The following SYNE1 variants were observed in gnomAD, a reference collection of about 807,000 sequenced individuals.
SYNE1 encodes spectrin repeat containing nuclear envelope protein 1, also known as nesprin-1.
A neutral mutation model predicts 1,111.0 loss-of-function variants in SYNE1; 616 were observed. The ratio of observed to expected loss-of-function variants is 0.55; its 90% CI spans 0.52 to 0.59. The LOEUF is 0.59. Among genes scored for constraint, SYNE1 ranks in the 20% least tolerant of loss-of-function variants. The pLI is 0.00. For missense variants in SYNE1, 10,006 were observed against 10,417.0 expected (o/e 0.96, Z 1.72); for synonymous variants, 3,855 against 3,825.8 (o/e 1.01, Z -0.28).
At chr6:152,399,186 T>G (rs985282205) in intron 48 of SYNE1, among the ~76,000 whole-genome samples, 1 of 152,172 alleles carries the variant, frequency 6.6e-6, no homozygotes, top group Admixed American at 6.5e-5. Flanking sequence ...GGCCACAGGA[T>G]GGGCAATTTC....
intron 6 of SYNE1, among the ~76,000 whole-genome samples, chr6:152,515,525 G>A (rs9371605): frequency 0.29 from 44,535 of 152,046 alleles, 7,053 homozygotes; most frequent in East Asian, 0.46. Context: ...TTGTAAATTA[G>A]AAAACCAGGG....
intron 141 of SYNE1, among the ~76,000 whole-genome samples, chr6:152,135,477 T>C (rs535995695): frequency 6.6e-6 from 1 of 152,282 alleles, no homozygotes; most frequent in Non-Finnish European, 1.5e-5. Flanking sequence ...TCAACATACG[T>C]TATTTCTGAA....
Position 152,149,603 on chromosome 6 carries a change from C to T in SYNE1, c.24516G>A (p.Gln8172=). 1.2e-6 allele frequency: 2 copies of T among 1,614,154 alleles called. No homozygotes were observed. The highest frequency in any genetic ancestry group is 8.5e-7 in the Non-Finnish European group (1 of 1,180,034). Residue 8172 remains glutamine (Q), a synonymous_variant, in exon 136 of 146, where the codon CAG becomes CAA. Transcript: ENST00000367255. ...KIEQIIAQGE[Q]LIEKSEPLDA... Reference sequence around the variant, plus strand: ...CCAAGGGCTCACTCTTTTCTATCAGCTGTTCTCCTTGGGCAATTATCTGCT... The same window carrying T: ...CCAAGGGCTCACTCTTTTCTATCAGTTGTTCTCCTTGGGCAATTATCTGCT...
chr6:152,125,410 G>A (rs905212982), intron 145 of SYNE1: 72 of 1,506,592 alleles, frequency 4.8e-5, no homozygotes, highest in Admixed American at 1.3e-4. Context: ...GTGGACGTGG[G>A]GACATTTTGT....
Position 152,221,472 on chromosome 6 carries a change from G to T in SYNE1, c.21610C>A (p.Pro7204Thr), listed in dbSNP as rs1257118792. ...GTATTGGTAAGAGTTTCTGTCACGG[G>T]TGGGTGACACTCTTTTAATAATTGG... ...TNQLLKECHP[P>T]VTETLTNTLK... Residue 7204 changes from proline to threonine, a missense_variant, in exon 118 of 146, where the codon CCC becomes ACC. This residue lies in a region of SYNE1 where 2,182 missense variants were observed against 2,287.8 expected (regional missense o/e 0.95). Coordinates refer to ENST00000367255, the MANE Select transcript of SYNE1 (RefSeq NM_182961.4). The T allele has an allele frequency of 1.9e-6, 3 of 1,613,870 alleles. No individual in the cohort carries two copies. Among genetic ancestry groups the T allele is most frequent in the Admixed American group, 3.3e-5 (2 of 60,006 alleles).
intron 4 of SYNE1, among the ~76,000 whole-genome samples, chr6:152,535,758 A>G (rs1380680193): frequency 6.6e-6 from 1 of 152,190 alleles, no homozygotes; most frequent in Non-Finnish European, 1.5e-5. Context: ...ACTTTTTACA[A>G]AGGGTTTTTA....
chr6:152,163,757 T>C (rs1352810297), intron 131 of SYNE1, among the ~76,000 whole-genome samples: 8 of 152,038 alleles, frequency 5.3e-5, no homozygotes, highest in Non-Finnish European at 1.2e-4. Context: ...CCAAACACTA[T>C]ACACAGGAAA....
chr6:152,142,983 G>A (rs752122485), intron 138 of SYNE1, among the ~76,000 whole-genome samples: 4 of 152,182 alleles, frequency 2.6e-5, no homozygotes, highest in Non-Finnish European at 4.4e-5. Context: ...TTAAGTACGC[G>A]TAGGAAAGCA....
chr6:152,255,211 G>T (rs919642983), intron 103 of SYNE1, 122 bp from the exon 104 acceptor site: 2 of 877,580 alleles, frequency 2.3e-6, no homozygotes, highest in Admixed American at 2.3e-5. Flanking sequence ...TCAGACCTAA[G>T]ACAACTGGAA....
At chr6:152,632,259 A>G (rs1207281437) in intron 2 of SYNE1, among the ~76,000 whole-genome samples, 1 of 152,190 alleles carries the variant, frequency 6.6e-6, no homozygotes, top group Non-Finnish European at 1.5e-5. Flanking sequence ...CAAGTTCATA[A>G]TACTTTACAT....
At chr6:152,303,964 C>A (rs1321597827) in intron 91 of SYNE1, among the ~76,000 whole-genome samples, 2 of 152,162 alleles carry the variant, frequency 1.3e-5, no homozygotes, top group Non-Finnish European at 2.9e-5. Context: ...TTTCTTCCTG[C>A]CCAACTGAAG....
In SYNE1 at chr6:152,219,087, T is replaced by C; in HGVS notation, c.21960A>G (p.Ser7320=). 2 of 1,614,172 alleles carry C rather than the reference T, an allele frequency of 1.2e-6. No homozygotes were observed. Among genetic ancestry groups the C allele is most frequent in the Non-Finnish European group, 1.7e-6 (2 of 1,180,004 alleles). ...AAGAGAGTTGATCCGATTGAATAGC[T>C]GATGCTGCGGAAGCATCCACTTGTT... ...LKQQVDASAA[S]AIQSDQLSLS... Residue 7320 remains serine, a synonymous_variant, in exon 120 of 146, where the codon TCA becomes TCG. Coordinates refer to ENST00000367255, the MANE Select transcript of SYNE1 (RefSeq NM_182961.4).
chr6:152,328,380 T>TTTTTTTTA lies in SYNE1; in HGVS notation c.14955+1349_14955+1350insTAAAAAAA, dbSNP rs1554460766. Reference sequence around the variant, plus strand: ...GCACTATTTTTCTCTTCTTATTTTATTTTATTTATTTATTTATTTATTTAT... The same window carrying TTTTTTTTA: ...GCACTATTTTTCTCTTCTTATTTTATTTTTTTTATTTATTTATTTATTTATTTATTTAT... On this transcript the variant is annotated intron_variant, in intron 78 of 145. Coordinates refer to ENST00000367255, the MANE Select transcript of SYNE1 (RefSeq NM_182961.4). Among the ~76,000 whole-genome samples, 493 of 137,546 alleles carry TTTTTTTTA rather than the reference T, an allele frequency of 3.6e-3. 2 individuals are homozygous for TTTTTTTTA. Among genetic ancestry groups the TTTTTTTTA allele is most frequent in the African/African-American group, 0.013 (466 of 34,792 alleles). 90.2% of individuals were successfully genotyped at this position (137,546 alleles called of 152,430 possible). A position where few individuals can be genotyped will look rare whatever the true frequency, so the allele number is the denominator to read the frequency against.
chr6:152,466,379 T>A (rs2098767771), intron 16 of SYNE1, among the ~76,000 whole-genome samples: 1 of 152,194 alleles, frequency 6.6e-6, no homozygotes, highest in Non-Finnish European at 1.5e-5. Context: ...GGGTCTAACA[T>A]TTAGAAAGCA....
At chr6:152,169,458 A>C (rs942885526) in intron 130 of SYNE1, among the ~76,000 whole-genome samples, 1 of 146,380 alleles carries the variant, frequency 6.8e-6, no homozygotes, top group Non-Finnish European at 1.5e-5. Context: ...GCTACTCGGG[A>C]GGCTGAGGCA....
In SYNE1 at chr6:152,599,862, A is replaced by G. The variant is rs747505524; in HGVS notation, c.67+28403T>C. On this transcript the variant is annotated intron_variant, in intron 3 of 145. Coordinates refer to ENST00000367255, the MANE Select transcript of SYNE1 (RefSeq NM_182961.4). ...GACACAAACACTCTAACAAGGTGCT[A>G]CAAGTCAATAGATGAAGATGAACTA... Among the ~76,000 whole-genome samples, 18 of 152,246 alleles carry G rather than the reference A, an allele frequency of 1.2e-4. 1 individual carries two copies. Among genetic ancestry groups the G allele is most frequent in the Non-Finnish European group, 1.5e-5 (1 of 68,040 alleles).
At chr6:152,457,531 T>C (rs1432989273) in intron 22 of SYNE1, among the ~76,000 whole-genome samples, 1 of 152,188 alleles carries the variant, frequency 6.6e-6, no homozygotes, top group Non-Finnish European at 1.5e-5. Flanking sequence ...TAGGAGACTG[T>C]TATGCATACA....
chr6:152,594,711 C>A (rs1322701327), intron 3 of SYNE1, among the ~76,000 whole-genome samples: 1 of 152,188 alleles, frequency 6.6e-6, no homozygotes, highest in Non-Finnish European at 1.5e-5. Flanking sequence ...TCCCAACTCT[C>A]TTGTACAAAA....
Position 152,336,969 on chromosome 6 carries a change from C to T in SYNE1, c.12400G>A (p.Glu4134Lys), listed in dbSNP as rs898572784. 1 of 1,614,010 alleles carries T rather than the reference C, an allele frequency of 6.2e-7. No individual in the cohort carries two copies. The highest frequency in any genetic ancestry group is 1.7e-5 in the Admixed American group (1 of 60,022). The change falls in exon 76 of 146, where the codon GAG becomes AAG. Residue 4134 changes from glutamate to lysine, a missense_variant. This residue lies in a region of SYNE1 where 4,955 missense variants were observed against 5,017.2 expected (regional missense o/e 0.99). Coordinates refer to ENST00000367255, the MANE Select transcript of SYNE1 (RefSeq NM_182961.4). ...AGCTCAGACTTCAGGTGCTTGATCTCTTCCCAGCCCTGAGTTAAGTTCTGG... is the reference window on the plus strand; with the variant it reads ...AGCTCAGACTTCAGGTGCTTGATCTTTTCCCAGCCCTGAGTTAAGTTCTGG... ...QAQNLTQGWE[E>K]IKHLKSELWI...
Sources: gnomAD v4.1 joint callset for allele counts (sites outside exome capture counted in the v4.1 genomes callset) on GRCh38, gnomAD v4.1.1 for gene constraint, gnomAD v4.1.1 regional missense constraint, MANE v1.5 for transcripts, NCBI Gene and HGNC (gene_info 2026-07-23, HGNC 2026-07-21) for gene names.